Variants in COL6A5 observed in about 807,000 individuals in gnomAD.
COL6A5 encodes the protein collagen alpha-5(VI) chain.
COL6A5 carries 48 observed loss-of-function variants against 65.6 expected under a neutral mutation model. The observed-to-expected ratio is 0.73, with a 90% confidence interval of 0.58 to 0.93. The LOEUF is 0.93. Among genes scored for constraint, COL6A5 ranks in the 40% least tolerant of loss-of-function variants. The pLI is 0.00. For synonymous variants in COL6A5, 291 were observed against 322.8 expected (o/e 0.90, Z 1.05); for missense variants, 914 against 928.3 (o/e 0.98, Z 0.20).
intron 7 of COL6A5, among the ~76,000 whole-genome samples, chr3:130,474,166 G>T (rs11923015): frequency 0.17 from 26,068 of 151,896 alleles, 2,328 homozygotes; most frequent in South Asian, 0.25. Flanking sequence ...ACTCTACTTG[G>T]AATTAGGGGA....
In COL6A5 at chr3:130,455,316, T is replaced by C. The variant is rs1300253349; in HGVS notation, c.1333-139T>C. Reference sequence around the variant, plus strand: ...TGTATAATGAATCTCAATGAATTATTTGATTGAAATGGATTTATATTTTCA... The same window carrying C: ...TGTATAATGAATCTCAATGAATTATCTGATTGAAATGGATTTATATTTTCA... On this transcript the variant is annotated intron_variant, in intron 4 of 7. Transcript: ENST00000512836. 1.8e-5 allele frequency: 11 copies of C among 601,950 alleles called. No individual in the cohort carries two copies. The Admixed American group carries it at 3.3e-4, about 18-fold the overall frequency. 37.3% of individuals were successfully genotyped at this position (601,950 alleles called of 1,614,324 possible).
intron 4 of COL6A5, among the ~76,000 whole-genome samples, chr3:130,450,141 C>T (rs892812592): frequency 6.6e-5 from 10 of 152,046 alleles, no homozygotes; most frequent in African/African-American, 9.7e-5. Flanking sequence ...TTTGTTTGTG[C>T]TGGGGGTTGC....
chr3:130,358,055 G>A (rs1303398064), intron 1 of COL6A5, among the ~76,000 whole-genome samples: 2 of 152,028 alleles, frequency 1.3e-5, no homozygotes, highest in Admixed American at 1.3e-4. Flanking sequence ...CGGGCGTGGT[G>A]GCGGGCGCCT....
intron 1 of COL6A5, among the ~76,000 whole-genome samples, chr3:130,371,172 C>G (rs1935540153): frequency 1.3e-5 from 2 of 152,086 alleles, no homozygotes; most frequent in Non-Finnish European, 2.9e-5. Context: ...ATAAGGAGAT[C>G]TAAAAATTCT....
At chr3:130,376,238 G>A (rs1331464750) in exon 3 of COL6A5, 3 of 1,591,306 alleles carry the variant, frequency 1.9e-6, no homozygotes, top group Non-Finnish European at 2.6e-6. Context: ...TTTTGATAGG[G>A]CCAGGCCCTG....
intron 4 of COL6A5, among the ~76,000 whole-genome samples, chr3:130,451,325 G>A (rs1209453389): frequency 6.6e-6 from 1 of 152,238 alleles, no homozygotes; most frequent in Non-Finnish European, 1.5e-5. Flanking sequence ...ATAGATAAGG[G>A]AAACTGAGGG....
chr3:130,367,743 T>C (rs1043161808), intron 1 of COL6A5, among the ~76,000 whole-genome samples: 1 of 152,166 alleles, frequency 6.6e-6, no homozygotes, highest in Non-Finnish European at 1.5e-5. Flanking sequence ...TATGTGTGGA[T>C]ATATATATAA....
rs190934411 is a variant in COL6A5, at chr3:130,345,743, C to T, written c.-267C>T. On this transcript the variant is annotated 5_prime_UTR_variant and NMD_transcript_variant, in exon 1 of 42. Coordinates refer to the COL6A5 transcript ENST00000312481. ...CCAGGCCAAGGGCACGGGTCAGCGCCGGCTTAAAAGACCCTCTCAGGGCAC... is the reference window on the plus strand; with the variant it reads ...CCAGGCCAAGGGCACGGGTCAGCGCTGGCTTAAAAGACCCTCTCAGGGCAC... 1,540 of 398,758 alleles carry T rather than the reference C, an allele frequency of 3.9e-3. 73 individuals carry two copies. In the Admixed American group the frequency reaches 0.063, roughly 16 times the overall value. 24.7% of individuals were successfully genotyped at this position (398,758 alleles called of 1,614,324 possible).
At chr3:130,381,480 C>T (rs1016690846) in intron 4 of COL6A5, among the ~76,000 whole-genome samples, 2 of 151,994 alleles carry the variant, frequency 1.3e-5, no homozygotes, top group African/African-American at 2.4e-5. Flanking sequence ...TTTTTATGCA[C>T]AATCACGGTT....
intron 8 of COL6A5, among the ~76,000 whole-genome samples, chr3:130,396,348 T>C (rs1936599305): frequency 6.6e-6 from 1 of 152,220 alleles, no homozygotes; most frequent in South Asian, 2.1e-4. Context: ...ACATCTTATA[T>C]GTCCCATTTG....
At chr3:130,407,167 G>A (rs1188118510) in intron 17 of COL6A5, among the ~76,000 whole-genome samples, 3 of 152,162 alleles carry the variant, frequency 2.0e-5, no homozygotes, top group Non-Finnish European at 4.4e-5. Flanking sequence ...TGGAGGAAGG[G>A]CATTCCAGAC....
At chr3:130,469,061 T>C (rs746594305) in exon 6 of COL6A5, 1 of 1,612,962 alleles carries the variant, frequency 6.2e-7, no homozygotes, top group East Asian at 2.2e-5. Context: ...CACTGAAGAA[T>C]GCCCTGTCTA....
chr3:130,363,201 G>A (rs563200313), intron 1 of COL6A5, among the ~76,000 whole-genome samples: 1 of 152,214 alleles, frequency 6.6e-6, no homozygotes, highest in South Asian at 2.1e-4. Context: ...TTGCTCTAGA[G>A]TTTGCATTTA....
intron 13 of COL6A5, among the ~76,000 whole-genome samples, chr3:130,403,966 A>G (rs1258419388): frequency 1.3e-5 from 2 of 152,140 alleles, no homozygotes; most frequent in Non-Finnish European, 2.9e-5. Context: ...TTACACGTGT[A>G]GCCTGGCATG....
At chr3:130,408,824 G>C (rs1320378533) in intron 17 of COL6A5, among the ~76,000 whole-genome samples, 1 of 152,162 alleles carries the variant, frequency 6.6e-6, no homozygotes, top group East Asian at 1.9e-4. Flanking sequence ...TTGGGGGCTG[G>C]TTCCCCCGAT....
chr3:130,449,633 T>A (rs1709382518), intron 4 of COL6A5, among the ~76,000 whole-genome samples: 1 of 152,130 alleles, frequency 6.6e-6, no homozygotes. Context: ...GCCCTCAGAC[T>A]TTTTTCCTCG....
intron 7 of COL6A5, 77 bp downstream of exon 7, chr3:130,391,831 C>A: frequency 9.5e-7 from 1 of 1,053,088 alleles, no homozygotes; most frequent in Non-Finnish European, 1.4e-6. Flanking sequence ...AGTCTCAGGT[C>A]TCCGATTACC....
upstream of COL6A5, among the ~76,000 whole-genome samples, chr3:130,430,869 G>A (rs1486758055): frequency 6.6e-6 from 1 of 152,144 alleles, no homozygotes; most frequent in East Asian, 1.9e-4. Flanking sequence ...CGAAGGCAGT[G>A]CTGCACTTGA....
chr3:130,371,097 G>A (rs993271152), intron 1 of COL6A5, among the ~76,000 whole-genome samples: 1 of 152,104 alleles, frequency 6.6e-6, no homozygotes, highest in African/African-American at 2.4e-5. Context: ...GTACAGAAAG[G>A]CCTCCTCTTT....
Sources: gnomAD v4.1 joint callset for allele counts (sites outside exome capture counted in the v4.1 genomes callset) on GRCh38, gnomAD v4.1.1 for gene constraint, MANE v1.5 for transcripts, NCBI Gene and HGNC (gene_info 2026-07-23, HGNC 2026-07-21) for gene names.